TMEM132D: variants seen among roughly 807,000 people sequenced by gnomAD.
TMEM132D encodes transmembrane protein 132D.
A neutral mutation model predicts 62.3 loss-of-function variants in TMEM132D; 21 were observed. That is an observed-to-expected ratio of 0.34 (90% CI 0.24 to 0.49). The LOEUF (loss-of-function observed/expected upper bound fraction) is 0.49, where lower values mean the gene tolerates loss of function less well. Among genes scored for constraint, TMEM132D ranks in the 20% least tolerant of loss-of-function variants. The pLI is 0.99. For missense variants in TMEM132D, 1,346 were observed against 1,402.8 expected, an observed-to-expected ratio of 0.96 and a Z score of 0.65; for synonymous variants, 621 against 575.6, an observed-to-expected ratio of 1.08 and a Z score of -1.13.
At chr12:129,619,294 G>A (rs577628041) in intron 2 of TMEM132D, among the ~76,000 whole-genome samples, 3 of 152,140 alleles carry the variant, frequency 2.0e-5, no homozygotes, top group Non-Finnish European at 2.9e-5. Context: ...GCATACATAC[G>A]CTCAGGAAGA....
At chr12:129,223,856 A>G (rs1879412618) in intron 4 of TMEM132D, among the ~76,000 whole-genome samples, 1 of 152,204 alleles carries the variant, frequency 6.6e-6, no homozygotes, top group Non-Finnish European at 1.5e-5. Context: ...ATCCACTAAC[A>G]TATCTATTAT....
At chr12:129,695,402 T>G (rs1881181782) in intron 2 of TMEM132D, among the ~76,000 whole-genome samples, 1 of 152,180 alleles carries the variant, frequency 6.6e-6, no homozygotes, top group African/African-American at 2.4e-5. Flanking sequence ...AGTTCACAAG[T>G]TTTTTGTTAA....
intron 4 of TMEM132D, among the ~76,000 whole-genome samples, chr12:129,230,919 G>A (rs576037534): frequency 6.6e-6 from 1 of 152,342 alleles, no homozygotes; most frequent in South Asian, 2.1e-4. Flanking sequence ...TGTGCTCAAT[G>A]TACTGCAAAC....
At chr12:129,689,725 A>C (rs960952819) in intron 2 of TMEM132D, among the ~76,000 whole-genome samples, 12 of 152,092 alleles carry the variant, frequency 7.9e-5, no homozygotes, top group African/African-American at 2.9e-4. Flanking sequence ...ATAAATTCTC[A>C]TTTTTCTTAA....
At chr12:129,315,171 C>T (rs1396495362) in intron 4 of TMEM132D, among the ~76,000 whole-genome samples, 1 of 152,128 alleles carries the variant, frequency 6.6e-6, no homozygotes, top group Non-Finnish European at 1.5e-5. Context: ...CCAGGATTTG[C>T]AGAACTATGT....
At chr12:129,808,965 G>A (rs1378640372) in intron 1 of TMEM132D, among the ~76,000 whole-genome samples, 1 of 152,178 alleles carries the variant, frequency 6.6e-6, no homozygotes, top group African/African-American at 2.4e-5. Context: ...ATGTGGTAAT[G>A]TTATTTTAAA....
intron 4 of TMEM132D, among the ~76,000 whole-genome samples, chr12:129,252,550 T>G (rs1055775291): frequency 6.6e-6 from 1 of 152,130 alleles, no homozygotes; most frequent in Non-Finnish European, 1.5e-5. Context: ...CAACAGGTGC[T>G]GAGAGGATGT....
In TMEM132D at chr12:129,592,868, A is replaced by C. The variant is rs1878232688; in HGVS notation, c.969-61663T>G. Among the ~76,000 whole-genome samples, 3 of 152,236 alleles carry C rather than the reference A, an allele frequency of 2.0e-5. No individual in the cohort carries two copies. In the South Asian group the frequency reaches 6.2e-4, roughly 32 times the overall value. On this transcript the variant is annotated intron_variant, in intron 2 of 8. Transcript: ENST00000422113. ...AAGCAGGATTTCTGGAAGACACAGG[A>C]AAGAGGACTATTTTATTAGTAAAAA...
chr12:129,406,910 CCT>C (rs1174393101), intron 3 of TMEM132D, among the ~76,000 whole-genome samples: 3 of 152,180 alleles, frequency 2.0e-5, no homozygotes, highest in African/African-American at 7.2e-5. Context: ...AATTTTCCTC[CCT>C]GTCTCGTATC....
At chr12:129,546,914 A>T (rs1259650016) in intron 2 of TMEM132D, among the ~76,000 whole-genome samples, 1 of 152,220 alleles carries the variant, frequency 6.6e-6, no homozygotes, top group African/African-American at 2.4e-5. Context: ...ATCTATTTCC[A>T]TACAGTTTAT....
intron 3 of TMEM132D, among the ~76,000 whole-genome samples, chr12:129,358,223 A>G (rs2135672698): frequency 6.6e-6 from 1 of 152,106 alleles, no homozygotes; most frequent in South Asian, 2.1e-4. Flanking sequence ...TCTTCCTTTT[A>G]TTTCTGGGTT....
chr12:129,593,835 T>TG (rs1878261864), intron 2 of TMEM132D, among the ~76,000 whole-genome samples: 1 of 107,440 alleles, frequency 9.3e-6, no homozygotes, highest in Non-Finnish European at 2.0e-5. Flanking sequence ...TCTTGACATG[T>TG]ATTTTTTTTA....
intron 4 of TMEM132D, among the ~76,000 whole-genome samples, chr12:129,300,229 C>T (rs916329899): frequency 3.7e-4 from 56 of 152,206 alleles, no homozygotes; most frequent in African/African-American, 1.2e-3. Context: ...CTCTCAAGGC[C>T]GACCAACACT....
intron 4 of TMEM132D, among the ~76,000 whole-genome samples, chr12:129,222,285 T>C (rs995466848): frequency 1.3e-5 from 2 of 152,166 alleles, no homozygotes; most frequent in Non-Finnish European, 2.9e-5. Flanking sequence ...CTTTTTAACG[T>C]AAATTTCAAA....
Position 129,740,787 on chromosome 12 carries a change from G to C in TMEM132D, c.80-40089C>G, listed in dbSNP as rs187290178. Among the ~76,000 whole-genome samples, 46 of 152,136 alleles carry C rather than the reference G, an allele frequency of 3.0e-4. No individual in the cohort carries two copies. In the East Asian group the frequency reaches 8.5e-3, roughly 28 times the overall value. On this transcript the variant is annotated intron_variant, in intron 1 of 8. Transcript: ENST00000422113. ...AATCCAGTTCCTTAAAAATTAGTAG[G>C]GTAATTCTATGATAAGATGATATAG...
At chr12:129,400,107 T>C (rs933946816) in intron 3 of TMEM132D, among the ~76,000 whole-genome samples, 8 of 151,988 alleles carry the variant, frequency 5.3e-5, no homozygotes, top group African/African-American at 1.5e-4. Context: ...TTTCCAAGAA[T>C]AGGTTCCAAG....
intron 5 of TMEM132D, among the ~76,000 whole-genome samples, chr12:129,087,982 T>C (rs866051374): frequency 1.6e-3 from 70 of 42,974 alleles, no homozygotes; most frequent in South Asian, 3.7e-3. Context: ...CATGACCGGG[T>C]GTCCTCCATG....
intron 2 of TMEM132D, among the ~76,000 whole-genome samples, chr12:129,627,357 C>T (rs11610304): frequency 0.016 from 2,370 of 152,278 alleles, 21 homozygotes; most frequent in African/African-American, 0.023. Flanking sequence ...TACAGTAACA[C>T]GATGCACAGG....
At chr12:129,623,692 T>G (rs1434081706) in intron 2 of TMEM132D, among the ~76,000 whole-genome samples, 1 of 137,506 alleles carries the variant, frequency 7.3e-6, no homozygotes, top group Non-Finnish European at 1.5e-5. Flanking sequence ...TATACATATA[T>G]ACATATATAT....
Sources: allele counts gnomAD v4.1 joint callset (sites outside exome capture counted in the v4.1 genomes callset), GRCh38; gene constraint gnomAD v4.1.1; transcripts MANE v1.5; gene names NCBI Gene and HGNC (gene_info 2026-07-23, HGNC 2026-07-21).